GNB5: variants seen among roughly 807,000 people sequenced by gnomAD.
GNB5 encodes the protein G protein subunit beta 5, also known as guanine nucleotide-binding protein subunit beta-5.
Under a neutral mutation model 55.3 loss-of-function variants are expected in GNB5, and 37 were observed. The ratio of observed to expected loss-of-function variants is 0.67; its 90% confidence interval spans 0.51 to 0.88. The LOEUF is 0.88. Ranked by LOEUF, GNB5 falls within the 40% of genes least tolerant of loss-of-function variation. The probability of loss-of-function intolerance (pLI) is 0.00; values close to 1 mark genes in which losing one functional copy is unlikely to be tolerated. For missense variants in GNB5, 476 were observed against 515.3 expected (o/e 0.92, Z 0.74); for synonymous variants, 219 against 198.5 (o/e 1.10, Z -0.87).
At chr15:52,174,709 C>A (rs1480459299) in intron 3 of GNB5, among the ~76,000 whole-genome samples, 1 of 152,074 alleles carries the variant, frequency 6.6e-6, no homozygotes, top group Non-Finnish European at 1.5e-5. Flanking sequence ...TGGGCAAGTC[C>A]AAGCCAATAG....
intron 1 of GNB5, 38 bp from the exon 2 acceptor site, chr15:52,184,732 A>G (rs750553869): frequency 5.1e-6 from 8 of 1,569,874 alleles, no homozygotes; most frequent in Non-Finnish European, 7.0e-6. Flanking sequence ...GGTGTGAGAA[A>G]AGCCAATGGT....
intron 3 of GNB5, among the ~76,000 whole-genome samples, chr15:52,173,945 C>G (rs1242900160): frequency 6.6e-6 from 1 of 152,316 alleles, no homozygotes; most frequent in South Asian, 2.1e-4. Context: ...ATCCCCAGAA[C>G]CAGTGGCGAT....
rs1267268690 is a variant in GNB5 at position 52,135,641 on chromosome 15, G to C, written c.743C>G (p.Ser248Ter). 6.2e-7 allele frequency: 1 copy of C among 1,613,770 alleles called. No homozygotes were observed. The highest frequency in any genetic ancestry group is 1.7e-5 in the Admixed American group (1 of 59,950). The change falls in exon 8 of 13, where the codon TCA (serine) becomes TGA (stop). Residue 248 changes from serine to a stop codon, truncating the protein, a stop_gained. Transcript: ENST00000261837. LOFTEE classifies it high-confidence loss of function. ...ADVLCLDLAP[S>*]ETGNTFVSGG... Reference sequence around the variant, plus strand: ...AGACACGAAGGTGTTTCCAGTTTCTGAGGGGGCCAGGTCCAAGCAGAGGAC... The same window carrying C: ...AGACACGAAGGTGTTTCCAGTTTCTCAGGGGGCCAGGTCCAAGCAGAGGAC...
intron 2 of GNB5, among the ~76,000 whole-genome samples, chr15:52,182,299 C>A (rs766021355): frequency 1.3e-5 from 2 of 152,150 alleles, no homozygotes; most frequent in Non-Finnish European, 2.9e-5. Flanking sequence ...CTCAGGGGGC[C>A]CAGGCAAGGC....
At chr15:52,148,360 C>T (rs1346126772) in intron 5 of GNB5, among the ~76,000 whole-genome samples, 1 of 152,042 alleles carries the variant, frequency 6.6e-6, no homozygotes, top group Admixed American at 6.6e-5. Context: ...GGGTTGTGCT[C>T]ACGGATAATG....
chr15:52,161,136 G>C (rs1029151096), intron 3 of GNB5, among the ~76,000 whole-genome samples: 2 of 152,134 alleles, frequency 1.3e-5, no homozygotes, highest in African/African-American at 2.4e-5. Flanking sequence ...GAGAGGCTAA[G>C]GACCTCATGC....
chr15:52,168,918 T>G (rs2034501139), intron 3 of GNB5, among the ~76,000 whole-genome samples: 1 of 152,248 alleles, frequency 6.6e-6, no homozygotes, highest in Non-Finnish European at 1.5e-5. Context: ...GCTAGCCATA[T>G]GCAGAAGACT....
At chr15:52,162,351 G>A (rs1271622193) in intron 3 of GNB5, among the ~76,000 whole-genome samples, 1 of 152,150 alleles carries the variant, frequency 6.6e-6, no homozygotes, top group Non-Finnish European at 1.5e-5. Context: ...TGAACTGAAA[G>A]CAAAAGATAT....
At chr15:52,139,874 G>T (rs1472118753) in intron 7 of GNB5, 1 of 1,286,742 alleles carries the variant, frequency 7.8e-7, no homozygotes, top group South Asian at 1.2e-5. Flanking sequence ...AGTCTGATGG[G>T]TCTCCACAGA....
At chr15:52,130,127 G>A (rs942368492) in intron 9 of GNB5, among the ~76,000 whole-genome samples, 1 of 152,212 alleles carries the variant, frequency 6.6e-6, no homozygotes, top group Non-Finnish European at 1.5e-5. Flanking sequence ...GGGTTGCGAA[G>A]ACAGAATGAG....
intron 3 of GNB5, among the ~76,000 whole-genome samples, chr15:52,158,056 A>G (rs1046531281): frequency 3.3e-5 from 5 of 151,810 alleles, no homozygotes; most frequent in Non-Finnish European, 5.9e-5. Flanking sequence ...GCTGGTTTCT[A>G]TAATAAGAAT....
At chr15:52,167,870 T>C (rs972261662) in intron 3 of GNB5, among the ~76,000 whole-genome samples, 1 of 151,822 alleles carries the variant, frequency 6.6e-6, no homozygotes. Context: ...GTAAATATAA[T>C]TCATCATATA....
In GNB5 at chr15:52,115,529, G is replaced by A. The variant is rs1000568789; in HGVS notation, c.*7228C>T. 3 of 152,160 alleles carry A rather than the reference G, an allele frequency of 2.0e-5. No homozygotes were observed. The highest frequency in any genetic ancestry group is 7.2e-5 in the African/African-American group (3 of 41,440). The allele number at this position is 152,160 out of a possible 1,614,324, so 9.4% of individuals were successfully genotyped here. On this transcript the variant is annotated 3_prime_UTR_variant, in exon 13 of 13. Transcript: ENST00000261837. ...CACAGTAAAAGGTTGTCACTCCACA[G>A]AAACTTTTATTTGTAAATGGTAAAT...
intron 3 of GNB5, among the ~76,000 whole-genome samples, chr15:52,163,205 A>G (rs2034372854): frequency 6.6e-6 from 1 of 152,220 alleles, no homozygotes; most frequent in Non-Finnish European, 1.5e-5. Context: ...CGTGAGCCCA[A>G]GACGCCGAGG....
At chr15:52,179,285 G>A (rs2034713674) in intron 3 of GNB5, among the ~76,000 whole-genome samples, 2 of 152,140 alleles carry the variant, frequency 1.3e-5, no homozygotes, top group Non-Finnish European at 2.9e-5. Flanking sequence ...AATGAGCTTT[G>A]AAATTGCAGT....
chr15:52,134,207 T>C (rs1315184701), intron 8 of GNB5, among the ~76,000 whole-genome samples: 1 of 152,226 alleles, frequency 6.6e-6, no homozygotes, highest in East Asian at 1.9e-4. Context: ...TGGGAGTAGT[T>C]TGATAAGTTC....
rs2033259100 is a variant in GNB5, at chr15:52,121,259, C to G, written c.*1498G>C. On this transcript the variant is annotated 3_prime_UTR_variant, in exon 13 of 13. Transcript: ENST00000261837. Reference sequence around the variant, plus strand: ...GGTGCACGCAGCCTTCAGGTGCAGCCAGAACCTGCCGGCAGACCCCAGGCC... The same window carrying G: ...GGTGCACGCAGCCTTCAGGTGCAGCGAGAACCTGCCGGCAGACCCCAGGCC... The G allele has an allele frequency of 6.6e-6, 1 of 152,334 alleles. No individual in the cohort carries two copies. Among genetic ancestry groups the G allele is most frequent in the Non-Finnish European group, 1.5e-5 (1 of 68,126 alleles). 9.4% of individuals were successfully genotyped at this position (152,334 alleles called of 1,614,324 possible).
intron 12 of GNB5, 55 bp downstream of exon 12, chr15:52,124,418 G>A (rs2033365050): frequency 1.4e-6 from 2 of 1,433,214 alleles, no homozygotes; most frequent in Middle Eastern, 4.0e-4. Flanking sequence ...CAGAAGGCCT[G>A]TCACCAGTCC....
intron 1 of GNB5, among the ~76,000 whole-genome samples, chr15:52,190,479 T>C (rs1331404972): frequency 6.6e-6 from 1 of 152,156 alleles, no homozygotes; most frequent in Non-Finnish European, 1.5e-5. Context: ...AGGATACTTA[T>C]ATGGTCAATA....
Sources: allele counts gnomAD v4.1 joint callset (sites outside exome capture counted in the v4.1 genomes callset), GRCh38; gene constraint gnomAD v4.1.1; transcripts MANE v1.5; gene names NCBI Gene and HGNC (gene_info 2026-07-23, HGNC 2026-07-21).